SNX29: variants seen among roughly 807,000 people sequenced by gnomAD.
SNX29 encodes the protein sorting nexin 29.
In SNX29, 78 loss-of-function variants were observed where a neutral mutation model predicts 102.1. That is an observed-to-expected ratio of 0.76 (90% CI 0.64 to 0.92). The LOEUF is 0.92. Ranked by LOEUF, SNX29 falls within the 40% of genes least tolerant of loss-of-function variation. SNX29 has a pLI of 0.00. For synonymous variants in SNX29, 580 were observed against 414.5 expected, an observed-to-expected ratio of 1.40 and a Z score of -4.85; for missense variants, 1,280 against 1,061.7, an observed-to-expected ratio of 1.21 and a Z score of -2.86.
intron 13 of SNX29, among the ~76,000 whole-genome samples, chr16:12,146,734 T>C (rs2055081321): frequency 6.6e-6 from 1 of 152,082 alleles, no homozygotes. Flanking sequence ...TCTCAGCTCG[T>C]TTTTCTTTTG....
intron 16 of SNX29, among the ~76,000 whole-genome samples, chr16:12,397,686 C>T (rs1187055681): frequency 2.6e-5 from 4 of 152,152 alleles, no homozygotes; most frequent in Admixed American, 2.0e-4. Flanking sequence ...ATTTATTGAA[C>T]ATCTACCACT....
chr16:12,534,791 G>A (rs1021486047), intron 20 of SNX29, among the ~76,000 whole-genome samples: 3 of 152,100 alleles, frequency 2.0e-5, no homozygotes, highest in Non-Finnish European at 4.4e-5. Context: ...TTTAACTAAG[G>A]GCAATTTTGC....
intron 18 of SNX29, among the ~76,000 whole-genome samples, chr16:12,421,078 A>G (rs1437845909): frequency 6.6e-6 from 1 of 152,202 alleles, no homozygotes; most frequent in East Asian, 1.9e-4. Flanking sequence ...CAGATAAGGA[A>G]ACTACGGCAC....
At chr16:12,296,152 C>A (rs2079973381) in intron 15 of SNX29, among the ~76,000 whole-genome samples, 1 of 152,182 alleles carries the variant, frequency 6.6e-6, no homozygotes, top group Non-Finnish European at 1.5e-5. Flanking sequence ...TTCCTGTGCT[C>A]TGGCTCGGGA....
intron 13 of SNX29, among the ~76,000 whole-genome samples, chr16:12,177,491 G>C (rs2076286904): frequency 6.6e-6 from 1 of 152,180 alleles, no homozygotes; most frequent in African/African-American, 2.4e-5. Flanking sequence ...GTGTTTATCT[G>C]TGTAGGTCTT....
chr16:12,409,761 T>C (rs908686681), intron 18 of SNX29, among the ~76,000 whole-genome samples: 1 of 152,238 alleles, frequency 6.6e-6, no homozygotes, highest in African/African-American at 2.4e-5. Flanking sequence ...CAGATTGGTA[T>C]GAAGTAATAC....
chr16:12,366,390 C>T (rs529658105), intron 16 of SNX29, among the ~76,000 whole-genome samples: 2 of 152,334 alleles, frequency 1.3e-5, no homozygotes, highest in South Asian at 4.1e-4. Flanking sequence ...ACGAGTGCAT[C>T]TGGGAAAGGT....
At chr16:12,386,867 G>C (rs2083360373) in intron 16 of SNX29, among the ~76,000 whole-genome samples, 1 of 151,192 alleles carries the variant, frequency 6.6e-6, no homozygotes, top group South Asian at 2.1e-4. Context: ...ACTCACGCCT[G>C]TAATCCCAGC....
chr16:12,507,721 C>G (rs1473965716), intron 19 of SNX29, among the ~76,000 whole-genome samples: 2 of 152,126 alleles, frequency 1.3e-5, no homozygotes, highest in Non-Finnish European at 2.9e-5. Context: ...ACTCCAGAAC[C>G]TTTGTCTAGA....
intron 13 of SNX29, among the ~76,000 whole-genome samples, chr16:12,171,380 A>C (rs1463487988): frequency 6.6e-6 from 1 of 152,110 alleles, no homozygotes. Context: ...CTTTTGGATC[A>C]TCCTGAGTCA....
At chr16:12,364,414 TTC>T (rs2082399027) in intron 16 of SNX29, among the ~76,000 whole-genome samples, 1 of 112,822 alleles carries the variant, frequency 8.9e-6, no homozygotes, top group Admixed American at 8.1e-5. Flanking sequence ...TTCTCTCTTC[TTC>T]TTTTTTTTTT....
At chr16:12,148,510 A>G (rs1264232559) in intron 13 of SNX29, among the ~76,000 whole-genome samples, 1 of 151,998 alleles carries the variant, frequency 6.6e-6, no homozygotes, top group African/African-American at 2.4e-5. Flanking sequence ...ACTCATTTGT[A>G]CCTCAGATTT....
chr16:12,430,972 C>T (rs1177216719), intron 18 of SNX29, among the ~76,000 whole-genome samples: 2 of 152,016 alleles, frequency 1.3e-5, no homozygotes, highest in African/African-American at 4.8e-5. Context: ...CCTGCCTCAG[C>T]CTCCCGAGTA....
intron 13 of SNX29, among the ~76,000 whole-genome samples, chr16:12,149,459 G>A (rs2055205692): frequency 1.3e-5 from 2 of 152,186 alleles, no homozygotes; most frequent in Non-Finnish European, 2.9e-5. Context: ...TCTCTCATGA[G>A]GAAAATTCAC....
intron 13 of SNX29, among the ~76,000 whole-genome samples, chr16:12,182,658 G>A (rs940314943): frequency 1.3e-5 from 2 of 152,128 alleles, no homozygotes; most frequent in African/African-American, 4.8e-5. Context: ...CCTGAGGCCC[G>A]ATGCAGTGGC....
intron 20 of SNX29, among the ~76,000 whole-genome samples, chr16:12,544,966 C>T (rs530451105): frequency 2.8e-4 from 43 of 152,292 alleles, no homozygotes; most frequent in African/African-American, 9.9e-4. Flanking sequence ...GAAACAGGCT[C>T]AGAGAGATTG....
At chr16:12,196,707 G>T (rs2076784882) in intron 13 of SNX29, among the ~76,000 whole-genome samples, 1 of 145,074 alleles carries the variant, frequency 6.9e-6, no homozygotes, top group Non-Finnish European at 1.5e-5. Flanking sequence ...TGCAAGCTCC[G>T]CCTCCCAGGT....
In SNX29 at chr16:12,571,939, T is replaced by G. The variant is rs1027938126; in HGVS notation, c.*3310T>G. 5.7e-6 allele frequency: 6 copies of G among 1,061,684 alleles called. No individual in the cohort carries two copies. The South Asian group carries it at 2.3e-4, about 40-fold the overall frequency. 65.8% of individuals were successfully genotyped at this position (1,061,684 alleles called of 1,614,324 possible). A position where few individuals can be genotyped will look rare whatever the true frequency, so the allele number is the denominator to read the frequency against. On this transcript the variant is annotated 3_prime_UTR_variant, in exon 21 of 21. Transcript: ENST00000566228. ...GCAGGCCCTGGTGAAGGAAGACACT[T>G]TCAGGGAAGAGGCTCTTACAGTCTA...
Position 12,571,830 on chromosome 16 carries a change from T to TA in SNX29, c.*3201_*3202insA, listed in dbSNP as rs2079194047. The TA allele has an allele frequency of 5.7e-6, 6 of 1,045,146 alleles. No individual in the cohort carries two copies. Among genetic ancestry groups the TA allele is most frequent in the Non-Finnish European group, 7.0e-6 (6 of 862,160 alleles). 64.7% of individuals were successfully genotyped at this position (1,045,146 alleles called of 1,614,324 possible). ...AAATTCCAGCTTCTTTGATTCCCAC[T>TA]TAGCAGTATGCTCCAATCACGTTGC... On this transcript the variant is annotated 3_prime_UTR_variant, in exon 21 of 21. Coordinates refer to ENST00000566228, the MANE Select transcript of SNX29 (RefSeq NM_032167.5).
Sources: allele counts gnomAD v4.1 joint callset (sites outside exome capture counted in the v4.1 genomes callset), GRCh38; gene constraint gnomAD v4.1.1; transcripts MANE v1.5; gene names NCBI Gene and HGNC (gene_info 2026-07-23, HGNC 2026-07-21).